NCAM2: variants seen among roughly 807,000 people sequenced by gnomAD.
NCAM2 encodes neural cell adhesion molecule 2.
A neutral mutation model predicts 98.1 loss-of-function variants in NCAM2; 30 were observed. The observed-to-expected ratio is 0.31, with a 90% CI of 0.23 to 0.41. The LOEUF is 0.41. Ranked by LOEUF, NCAM2 falls within the 10% of genes least tolerant of loss-of-function variation. NCAM2 has a pLI of 1.00. For missense variants in NCAM2, 867 were observed against 1,005.8 expected (o/e 0.86, Z 1.87); for synonymous variants, 368 against 342.4 (o/e 1.07, Z -0.83).
intron 1 of NCAM2, among the ~76,000 whole-genome samples, chr21:20,999,607 GAGATATGTAATGATTGCAA>G (rs1329328501): frequency 6.6e-6 from 1 of 152,202 alleles, no homozygotes; most frequent in Non-Finnish European, 1.5e-5. Flanking sequence ...CACTAATTTT[GAGATATGTAATGATTGCAA>G]AGAATGTTAT....
intron 9 of NCAM2, among the ~76,000 whole-genome samples, chr21:21,408,096 C>A (rs955033928): frequency 2.0e-5 from 3 of 152,166 alleles, no homozygotes; most frequent in African/African-American, 7.2e-5. Context: ...AAATGGACAT[C>A]ATTTGGTGTA....
chr21:21,317,884 C>G (rs539457916), intron 5 of NCAM2, among the ~76,000 whole-genome samples: 6 of 152,134 alleles, frequency 3.9e-5, no homozygotes, highest in African/African-American at 1.2e-4. Flanking sequence ...ATTTTGTACC[C>G]CAGGTGGTCC....
intron 1 of NCAM2, among the ~76,000 whole-genome samples, chr21:21,060,228 TACC>T (rs2065293227): frequency 6.6e-6 from 1 of 152,116 alleles, no homozygotes; most frequent in Admixed American, 6.6e-5. Context: ...TGTTTCAGCT[TACC>T]ACATCACTAA....
intron 15 of NCAM2, among the ~76,000 whole-genome samples, chr21:21,501,792 A>G (rs369282701): frequency 2.0e-5 from 3 of 152,074 alleles, no homozygotes; most frequent in Admixed American, 1.3e-4. Context: ...TGTTCTTGTA[A>G]TTTTTGAGAA....
chr21:21,116,203 G>A (rs895351549), intron 1 of NCAM2, among the ~76,000 whole-genome samples: 6 of 152,012 alleles, frequency 3.9e-5, no homozygotes, highest in Admixed American at 6.6e-5. Flanking sequence ...TGTGCTTGAC[G>A]AGAAGTGAAC....
At chr21:21,388,634 T>A (rs2145816002) in intron 9 of NCAM2, among the ~76,000 whole-genome samples, 1 of 152,340 alleles carries the variant, frequency 6.6e-6, no homozygotes, top group Non-Finnish European at 1.5e-5. Context: ...ACTGAGCAAC[T>A]GAAATTTTGA....
intron 1 of NCAM2, among the ~76,000 whole-genome samples, chr21:21,240,047 C>T (rs2071003463): frequency 6.6e-6 from 1 of 152,032 alleles, no homozygotes; most frequent in South Asian, 2.1e-4. Flanking sequence ...CCATCATCTA[C>T]AAAATAATAT....
intron 15 of NCAM2, among the ~76,000 whole-genome samples, chr21:21,484,570 T>C (rs1986182852): frequency 1.3e-5 from 2 of 152,284 alleles, no homozygotes; most frequent in South Asian, 2.1e-4. Flanking sequence ...AATGTCATTG[T>C]TATATCATAT....
intron 1 of NCAM2, among the ~76,000 whole-genome samples, chr21:21,034,439 A>C (rs934239585): frequency 6.6e-6 from 1 of 152,116 alleles, no homozygotes; most frequent in Non-Finnish European, 1.5e-5. Flanking sequence ...TATTCCAGTG[A>C]ACTTTCTCGG....
intron 1 of NCAM2, among the ~76,000 whole-genome samples, chr21:21,177,581 A>C (rs1011939881): frequency 6.6e-6 from 1 of 152,134 alleles, no homozygotes; most frequent in Admixed American, 6.6e-5. Flanking sequence ...ATATATATTT[A>C]AAGTCAGTAA....
rs1377517860 is a variant in NCAM2, at chr21:21,292,374, A to G, written c.619+133A>G. 11 of 832,916 alleles carry G rather than the reference A, an allele frequency of 1.3e-5. No homozygotes were observed. In the East Asian group the frequency reaches 1.4e-4, roughly 11 times the overall value. 51.6% of individuals were successfully genotyped at this position (832,916 alleles called of 1,614,324 possible). ...TTCTATACCAGGAAGAAATCTTTCC[A>G]TCTTTATTATGGCATCTGTAACATT... On this transcript the variant is annotated intron_variant, in intron 5 of 17. Coordinates refer to ENST00000400546, the MANE Select transcript of NCAM2 (RefSeq NM_004540.5).
chr21:21,497,852 A>T (rs1382361930), intron 15 of NCAM2, among the ~76,000 whole-genome samples: 3 of 152,178 alleles, frequency 2.0e-5, no homozygotes, highest in African/African-American at 4.8e-5. Context: ...TAGCCTGAGG[A>T]TGTAAAACAT....
rs982954036 is a variant in NCAM2 at position 21,462,876 on chromosome 21, A to G, written c.1655-3730A>G. Among the ~76,000 whole-genome samples, 9 of 152,228 alleles carry G rather than the reference A, an allele frequency of 5.9e-5. No individual in the cohort carries two copies. In the East Asian group the frequency reaches 1.7e-3, roughly 29 times the overall value. ...GATTTGTAAATCGTGCTGACTAAAT[A>G]TAGCTCTAAAATACCTTAATTTATA... is the stretch of plus-strand genomic sequence containing the variant. On this transcript the variant is annotated intron_variant, in intron 12 of 17. Coordinates refer to ENST00000400546, the MANE Select transcript of NCAM2 (RefSeq NM_004540.5).
chr21:21,060,585 G>A (rs528670277), intron 1 of NCAM2, among the ~76,000 whole-genome samples: 36 of 152,192 alleles, frequency 2.4e-4, no homozygotes, highest in South Asian at 1.0e-3. Context: ...AATTAAAATT[G>A]TCTATTATGA....
chr21:21,352,827 A>T (rs767547925), intron 8 of NCAM2, among the ~76,000 whole-genome samples: 32 of 64,538 alleles, frequency 5.0e-4, no homozygotes, highest in African/African-American at 1.2e-3. Flanking sequence ...TTAGAAAATT[A>T]AAAAAAAAAA....
chr21:21,536,014 A>G (rs1447182123), intron 17 of NCAM2, among the ~76,000 whole-genome samples: 1 of 152,006 alleles, frequency 6.6e-6, no homozygotes, highest in Non-Finnish European at 1.5e-5. Context: ...TCTAATCAGA[A>G]CTCTTTCTCT....
chr21:21,520,663 T>G (rs1440253158), intron 16 of NCAM2, among the ~76,000 whole-genome samples: 2 of 152,128 alleles, frequency 1.3e-5, no homozygotes, highest in Non-Finnish European at 2.9e-5. Context: ...TCAACAATTC[T>G]TAGATTCATA....
intron 8 of NCAM2, among the ~76,000 whole-genome samples, chr21:21,351,010 C>T (rs577955974): frequency 1.3e-3 from 193 of 148,524 alleles, no homozygotes; most frequent in African/African-American, 4.6e-3. Flanking sequence ...CCAGCTACTC[C>T]GGAGGCTGAA....
chr21:21,522,752 C>G (rs1473717514), intron 16 of NCAM2, among the ~76,000 whole-genome samples: 2 of 150,740 alleles, frequency 1.3e-5, no homozygotes, highest in Admixed American at 6.6e-5. Flanking sequence ...CTGCCTCAGA[C>G]TCCTGAGTAA....
Sources: allele counts gnomAD v4.1 joint callset (sites outside exome capture counted in the v4.1 genomes callset), GRCh38; gene constraint gnomAD v4.1.1; transcripts MANE v1.5; gene names NCBI Gene and HGNC (gene_info 2026-07-23, HGNC 2026-07-21).